The following CAPZA2 variants were observed in gnomAD, a reference collection of about 807,000 sequenced individuals.
CAPZA2 encodes the protein capping actin protein of muscle Z-line subunit alpha 2, also known as F-actin-capping protein subunit alpha-2.
A neutral mutation model predicts 44.0 loss-of-function variants in CAPZA2; 13 were observed. The observed-to-expected ratio is 0.30, with a 90% confidence interval of 0.19 to 0.47. The LOEUF (loss-of-function observed/expected upper bound fraction) is 0.47. Among genes scored for constraint, CAPZA2 ranks in the 20% least tolerant of loss-of-function variants. The pLI is 1.00. For synonymous variants in CAPZA2, 94 were observed against 108.2 expected (o/e 0.87, Z 0.81); for missense variants, 244 against 338.6 (o/e 0.72, Z 2.19).
At position 116,912,107 on chromosome 7, in the gene CAPZA2, T is replaced by A; in HGVS notation, c.624T>A (p.Ser208Arg). Residue 208 changes from serine (S) to arginine (R), a missense_variant, in exon 8 of 10, where the codon AGT becomes AGA. By Grantham distance (110) the Ser-to-Arg change is moderately radical. Coordinates refer to ENST00000361183, the MANE Select transcript of CAPZA2 (RefSeq NM_006136.3). The stretch of plus-strand genomic sequence containing the variant: ...AAGATGGTAATGTTCAGCTAGTGAG[T>A]CATAAAGATATACAAGATTCCCTAA... ...YYEDGNVQLV[S>R]HKDIQDSLTV... 1.2e-6 allele frequency: 2 copies of A among 1,613,038 alleles called. No individual in the cohort carries two copies. Among genetic ancestry groups the A allele is most frequent in the Non-Finnish European group, 1.7e-6 (2 of 1,179,332 alleles).
chr7:116,895,014 C>T (rs1585009529), intron 3 of CAPZA2, among the ~76,000 whole-genome samples: 1 of 151,942 alleles, frequency 6.6e-6, no homozygotes, highest in Admixed American at 6.6e-5. Flanking sequence ...TGACCACTTG[C>T]TCCTAAATAT....
rs1482009928 is a variant in CAPZA2, at chr7:116,893,806, G to A, written c.155+761G>A. Among the ~76,000 whole-genome samples the A allele has an allele frequency of 2.6e-5, 4 of 152,260 alleles. No individual in the cohort carries two copies. In the East Asian group the frequency reaches 7.7e-4, roughly 29 times the overall value. Reference sequence around the variant, plus strand: ...ACACTGAATTTTTGAGTGATTTAAAGAAGTAGGCAATTCTAAATCTTAATA... The same window carrying A: ...ACACTGAATTTTTGAGTGATTTAAAAAAGTAGGCAATTCTAAATCTTAATA... On this transcript the variant is annotated intron_variant, in intron 3 of 9. Transcript: ENST00000361183.
At chr7:116,866,489 A>G (rs1294993877) in intron 1 of CAPZA2, among the ~76,000 whole-genome samples, 1 of 152,182 alleles carries the variant, frequency 6.6e-6, no homozygotes, top group East Asian at 1.9e-4. Context: ...ACTTTTTTAC[A>G]TAGTTACAGA....
intron 1 of CAPZA2, among the ~76,000 whole-genome samples, chr7:116,866,405 T>A (rs1180519562): frequency 4.0e-5 from 6 of 150,868 alleles, no homozygotes; most frequent in Non-Finnish European, 8.9e-5. Context: ...TCTCCTGACC[T>A]CGTGATCCAC....
intron 1 of CAPZA2, among the ~76,000 whole-genome samples, chr7:116,871,123 C>G (rs1452365803): frequency 6.6e-6 from 1 of 152,022 alleles, no homozygotes; most frequent in East Asian, 1.9e-4. Flanking sequence ...GGACAAAAAG[C>G]TTAGACATGG....
intron 1 of CAPZA2, among the ~76,000 whole-genome samples, chr7:116,863,187 T>C (rs572404126): frequency 2.1e-4 from 32 of 152,348 alleles, no homozygotes; most frequent in Admixed American, 3.9e-4. Context: ...AATGCTTCCT[T>C]TTCTGATCCT....
chr7:116,911,567 C>T (rs1224307047), intron 7 of CAPZA2, among the ~76,000 whole-genome samples: 2 of 152,184 alleles, frequency 1.3e-5, no homozygotes, highest in Middle Eastern at 3.2e-3. Flanking sequence ...ATACTTTATA[C>T]ATACCTTTAC....
At chr7:116,866,435 T>G (rs935484150) in intron 1 of CAPZA2, among the ~76,000 whole-genome samples, 21 of 152,168 alleles carry the variant, frequency 1.4e-4, no homozygotes, top group African/African-American at 5.1e-4. Context: ...CCTCCCAAAG[T>G]GCTGGGATTA....
In CAPZA2 at chr7:116,878,935, G is replaced by A. The variant is rs145752198; in HGVS notation, c.40-9192G>A. On this transcript the variant is annotated intron_variant, in intron 1 of 9. Transcript: ENST00000361183. The stretch of plus-strand genomic sequence containing the variant: ...GAGGTCGGGAGTTTGAGACCAGCCT[G>A]ACCAACATGATGAAACCCCATCTCT... Among the ~76,000 whole-genome samples, 675 of 152,066 alleles carry A rather than the reference G, an allele frequency of 4.4e-3. 1 individual carries two copies. Among genetic ancestry groups the A allele is most frequent in the African/African-American group, 0.015 (621 of 41,466 alleles).
intron 1 of CAPZA2, among the ~76,000 whole-genome samples, chr7:116,879,147 A>AAG (rs1796658049): frequency 6.7e-6 from 1 of 150,274 alleles, no homozygotes; most frequent in Non-Finnish European, 1.5e-5. Context: ...AAAAAAAAAA[A>AAG]AAGAAAAGAA....
At chr7:116,888,224 T>C (rs773378639) in intron 2 of CAPZA2, 34 bp downstream of exon 2, 4 of 1,411,670 alleles carry the variant, frequency 2.8e-6, no homozygotes, top group South Asian at 2.4e-5. Flanking sequence ...AGGCTTGATA[T>C]ATCAAGCCCT....
intron 8 of CAPZA2, among the ~76,000 whole-genome samples, chr7:116,914,062 C>G (rs1453385835): frequency 7.1e-6 from 1 of 141,436 alleles, no homozygotes; most frequent in African/African-American, 2.6e-5. Context: ...GAGTCTCGCT[C>G]TTTCGCCCAG....
intron 1 of CAPZA2, among the ~76,000 whole-genome samples, chr7:116,884,893 A>C (rs1469142072): frequency 6.6e-6 from 1 of 152,216 alleles, no homozygotes; most frequent in Non-Finnish European, 1.5e-5. Flanking sequence ...CCTGTTCTGC[A>C]TCCTCACCAG....
At position 116,906,601 on chromosome 7, in the gene CAPZA2, C is replaced by T. The variant is rs190465196; in HGVS notation, c.506+259C>T. 4.4e-4 allele frequency: 168 copies of T among 385,796 alleles called. No homozygotes were observed. In the East Asian group the frequency reaches 4.9e-3, roughly 11 times the overall value. The allele number at this position is 385,796 out of a possible 1,614,324, so 23.9% of individuals were successfully genotyped here. A position where few individuals can be genotyped will look rare whatever the true frequency, so the allele number is the denominator to read the frequency against. ...CATCCTGAGGGAGCATGTGTGCCTG[C>T]GAGAACACCAGTTGGCAATCCATAT... is the stretch of plus-strand genomic sequence containing the variant. On this transcript the variant is annotated intron_variant, in intron 6 of 9. Transcript: ENST00000361183.
chr7:116,910,834 T>C (rs1791582099), intron 7 of CAPZA2, among the ~76,000 whole-genome samples: 1 of 151,830 alleles, frequency 6.6e-6, no homozygotes, highest in East Asian at 1.9e-4. Flanking sequence ...TGAAACCCCA[T>C]CTCTACTAAA....
chr7:116,909,670 C>A (rs1791561313), intron 6 of CAPZA2: 1 of 153,070 alleles, frequency 6.5e-6, no homozygotes, highest in South Asian at 2.0e-4. Flanking sequence ...ATTTACTAGT[C>A]ATTCTTTTTA....
rs371485695 is a variant in CAPZA2, at chr7:116,904,969, T to TAAAAA, written c.426+602_426+606dup. ...AGCATGGTGAAACCCTGTCTCTACT[T>TAAAAA]AAAAAAAAAAAAAAAAAAAACAATT... On this transcript the variant is annotated intron_variant, in intron 5 of 9. Coordinates refer to ENST00000361183, the MANE Select transcript of CAPZA2 (RefSeq NM_006136.3). Among the ~76,000 whole-genome samples, 313 of 95,520 alleles carry TAAAAA rather than the reference T, an allele frequency of 3.3e-3. 7 individuals are homozygous for TAAAAA. The highest frequency in any genetic ancestry group is 4.5e-3 in the Non-Finnish European group (220 of 48,990). The allele number at this position is 95,520 out of a possible 152,430, so 62.7% of individuals were successfully genotyped here. A position where few individuals can be genotyped will look rare whatever the true frequency, so the allele number is the denominator to read the frequency against.
At position 116,918,052 on chromosome 7, in the gene CAPZA2, A is replaced by G. The variant is rs929459787; in HGVS notation, c.*185A>G. 2.0e-6 allele frequency: 1 copy of G among 506,178 alleles called. No individual in the cohort carries two copies. The highest frequency in any genetic ancestry group is 3.1e-5 in the South Asian group (1 of 32,408). The allele number at this position is 506,178 out of a possible 1,614,324, so 31.4% of individuals were successfully genotyped here. On this transcript the variant is annotated 3_prime_UTR_variant, in exon 10 of 10. Transcript: ENST00000361183. ...CATTATTTTTCATTTTGTTTGTTCTAAGAGGATTGAAAATCAGTTTAGTTT... is the reference window on the plus strand; with the variant it reads ...CATTATTTTTCATTTTGTTTGTTCTGAGAGGATTGAAAATCAGTTTAGTTT...
At chr7:116,905,240 C>T (rs551364884) in intron 5 of CAPZA2, among the ~76,000 whole-genome samples, 1 of 152,044 alleles carries the variant, frequency 6.6e-6, no homozygotes, top group East Asian at 1.9e-4. Flanking sequence ...CCCTGACAGG[C>T]TTTTTTAGCA....
Sources: gnomAD v4.1 joint callset for allele counts (sites outside exome capture counted in the v4.1 genomes callset) on GRCh38, gnomAD v4.1.1 for gene constraint, MANE v1.5 for transcripts, NCBI Gene and HGNC (gene_info 2026-07-23, HGNC 2026-07-21) for gene names.